The following UGT1A6 variants were observed in gnomAD, a reference collection of about 807,000 sequenced individuals.
UGT1A6 encodes the protein UDP-glucuronosyltransferase 1A6.
A neutral mutation model predicts 44.4 loss-of-function variants in UGT1A6; 32 were observed. That is an observed-to-expected ratio of 0.72 (90% confidence interval 0.54 to 0.97). UGT1A6 has a LOEUF of 0.97. UGT1A6 is among the 50% of genes least tolerant of loss of function. The pLI is 0.00. For synonymous variants in UGT1A6, 238 were observed against 248.5 expected, an observed-to-expected ratio of 0.96 and a Z score of 0.40; for missense variants, 685 against 661.9, an observed-to-expected ratio of 1.03 and a Z score of -0.38.
intron 1 of UGT1A6, chr2:233,713,575 C>G (rs1324933073): frequency 6.2e-7 from 1 of 1,613,966 alleles, no homozygotes. Context: ...TCCTATATTC[C>G]TAGATTACTA....
chr2:233,724,277 C>T (rs1162056701), intron 1 of UGT1A6, among the ~76,000 whole-genome samples: 28 of 115,674 alleles, frequency 2.4e-4, no homozygotes, highest in Admixed American at 3.4e-4. Flanking sequence ...GGCGGCTGGC[C>T]GGGCGGGGGG....
At chr2:233,718,152 T>C (rs2125658477) in intron 1 of UGT1A6, 1 of 215,796 alleles carries the variant, frequency 4.6e-6, no homozygotes, top group East Asian at 9.7e-5. Flanking sequence ...AATAAAGCCT[T>C]CCCAAGAATA....
chr2:233,771,170 G>A (rs1309098130), intron 4 of UGT1A6: 1 of 152,100 alleles, frequency 6.6e-6, no homozygotes, highest in African/African-American at 2.4e-5. Flanking sequence ...CCAGCACTGG[G>A]GATTACAATT....
At chr2:233,744,624 T>A (rs1301133091) in intron 1 of UGT1A6, among the ~76,000 whole-genome samples, 12 of 151,914 alleles carry the variant, frequency 7.9e-5, no homozygotes, top group Non-Finnish European at 1.5e-4. Context: ...TATAGAGAGG[T>A]GGATTCTCAT....
At chr2:233,725,255 A>AGAG in intron 1 of UGT1A6, among the ~76,000 whole-genome samples, 1 of 64,006 alleles carries the variant, frequency 1.6e-5, no homozygotes, top group African/African-American at 1.3e-4. Context: ...CAGAGGAGGC[A>AGAG]GAGGCAGAGG....
chr2:233,747,574 CT>C, intron 1 of UGT1A6: 1 of 1,587,022 alleles, frequency 6.3e-7, no homozygotes, highest in Non-Finnish European at 8.7e-7. Flanking sequence ...AAAAATTCAT[CT>C]TTGGTCTTTC....
chr2:233,715,511 C>T (rs1206951556), intron 1 of UGT1A6, among the ~76,000 whole-genome samples: 1 of 152,146 alleles, frequency 6.6e-6, no homozygotes, highest in African/African-American at 2.4e-5. Flanking sequence ...GTAGCTCACA[C>T]CTGTAATTTC....
intron 1 of UGT1A6, among the ~76,000 whole-genome samples, chr2:233,749,142 T>G (rs1432365652): frequency 6.6e-6 from 1 of 151,878 alleles, no homozygotes; most frequent in Non-Finnish European, 1.5e-5. Flanking sequence ...GCATATGAAC[T>G]TCCATGACTT....
chr2:233,755,337 A>G (rs1695871666), intron 1 of UGT1A6: 2 of 434,782 alleles, frequency 4.6e-6, no homozygotes, highest in Admixed American at 3.7e-5. Flanking sequence ...ACCCGCGCAC[A>G]GGTCAGAGGC....
At position 233,719,785 on chromosome 2, in the gene UGT1A6, A is replaced by G. The variant is rs1575529784; in HGVS notation, c.861+25920A>G. 1.1e-5 allele frequency: 18 copies of G among 1,610,188 alleles called. No homozygotes were observed. In the East Asian group the frequency reaches 3.8e-4, roughly 34 times the overall value. ...TGCTTCCATATCTACTTATCTTTCC[A>G]AAGATTTTATTTTGGCTTCTTTATA... On this transcript the variant is annotated intron_variant, in intron 1 of 4. Transcript: ENST00000305139.
At chr2:233,705,093 GC>G (rs1278333462) in intron 1 of UGT1A6, among the ~76,000 whole-genome samples, 27 of 151,684 alleles carry the variant, frequency 1.8e-4, no homozygotes, top group Non-Finnish European at 3.8e-4. Context: ...CCAAGATCGT[GC>G]CATTGCACGC....
At position 233,693,762 on chromosome 2, in the gene UGT1A6, G is replaced by C; in HGVS notation, c.758G>C (p.Trp253Ser). 6.2e-7 allele frequency: 1 copy of C among 1,614,206 alleles called. No individual in the cohort carries two copies. The highest frequency in any genetic ancestry group is 8.5e-7 in the Non-Finnish European group (1 of 1,180,030). The change falls in exon 1 of 5, where the codon TGG (tryptophan) becomes TCG (serine). Residue 253 changes from tryptophan to serine, a missense_variant. Coordinates refer to ENST00000305139, the MANE Select transcript of UGT1A6 (RefSeq NM_001072.4). ...IITLYQKVSV[W>S]LLRYDFVLEY... ...ACCTTATATCAGAAGGTCTCTGTTT[G>C]GCTGTTAAGATATGACTTTGTGCTT...
intron 1 of UGT1A6, among the ~76,000 whole-genome samples, chr2:233,720,799 G>A (rs796093691): frequency 6.1e-4 from 92 of 151,266 alleles, no homozygotes; most frequent in African/African-American, 2.0e-3. Flanking sequence ...TTCACCTCCC[G>A]GGTTTAAGAA....
intron 1 of UGT1A6, chr2:233,719,004 A>T: frequency 6.2e-7 from 1 of 1,614,212 alleles, no homozygotes; most frequent in Non-Finnish European, 8.5e-7. Flanking sequence ...GGTGGTCCTC[A>T]CCCCAGAGGT....
At chr2:233,730,838 T>G (rs2078079443) in intron 1 of UGT1A6, among the ~76,000 whole-genome samples, 1 of 152,124 alleles carries the variant, frequency 6.6e-6, no homozygotes, top group Admixed American at 6.5e-5. Context: ...CAGGAGAGGC[T>G]CATCACATCA....
intron 1 of UGT1A6, chr2:233,754,418 A>T: frequency 2.9e-6 from 1 of 342,598 alleles, no homozygotes; most frequent in Non-Finnish European, 5.7e-6. Context: ...CAATAAAGAC[A>T]GGCATTGGCA....
chr2:233,700,818 C>A (rs1217450259), intron 1 of UGT1A6, among the ~76,000 whole-genome samples: 1 of 151,898 alleles, frequency 6.6e-6, no homozygotes, highest in Non-Finnish European at 1.5e-5. Flanking sequence ...GTGTGCTGCA[C>A]CCATTAACTC....
chr2:233,693,033 G>A lies in UGT1A6; in HGVS notation c.29G>A (p.Arg10Lys), dbSNP rs377223787. ...GCCTGCCTCCTTCGCTCATTTCAGA[G>A]AATTTCTGCAGGGGTTTTCTTCTTA... MACLLRSFQ[R>K]ISAGVFFLAL... The change falls in exon 1 of 5, where the codon AGA becomes AAA. Residue 10 changes from arginine (R) to lysine (K), a missense_variant. Transcript: ENST00000305139. The A allele has an allele frequency of 1.8e-4, 295 of 1,614,054 alleles. No homozygotes were observed. Among genetic ancestry groups the A allele is most frequent in the Non-Finnish European group, 2.4e-4 (283 of 1,180,042 alleles).
chr2:233,772,899 G>A lies in UGT1A6; in HGVS notation c.*340G>A, dbSNP rs1167184820. 6 of 428,920 alleles carry A rather than the reference G, an allele frequency of 1.4e-5. No homozygotes were observed. The highest frequency in any genetic ancestry group is 8.2e-5 in the African/African-American group (4 of 48,988). 26.6% of individuals were successfully genotyped at this position (428,920 alleles called of 1,614,324 possible). ...TGCGGGATTCAAAGGTGGTCCCACG[G>A]CTGCCCCTACTGCAAATGGCAGTTT... is the stretch of plus-strand genomic sequence containing the variant. On this transcript the variant is annotated 3_prime_UTR_variant, in exon 5 of 5. Coordinates refer to ENST00000305139, the MANE Select transcript of UGT1A6 (RefSeq NM_001072.4).
Sources: allele counts gnomAD v4.1 joint callset (sites outside exome capture counted in the v4.1 genomes callset), GRCh38; gene constraint gnomAD v4.1.1; transcripts MANE v1.5; gene names NCBI Gene and HGNC (gene_info 2026-07-23, HGNC 2026-07-21).